The following PRSS23 variants were observed in gnomAD, a reference collection of about 807,000 sequenced individuals.
PRSS23 encodes protease, serine 23.
In PRSS23, 25 loss-of-function variants were observed where a neutral mutation model predicts 34.7. That is an observed-to-expected ratio of 0.72 (90% CI 0.53 to 1.01). The LOEUF (loss-of-function observed/expected upper bound fraction) is 1.01, where lower values mean the gene tolerates loss of function less well. PRSS23 is among the 50% of genes least tolerant of loss of function. The pLI, the probability that PRSS23 is intolerant of heterozygous loss-of-function variation, is 0.00. For synonymous variants in PRSS23, 176 were observed against 186.6 expected, an observed-to-expected ratio of 0.94 and a Z score of 0.46; for missense variants, 445 against 475.6, an observed-to-expected ratio of 0.94 and a Z score of 0.60.
rs138931126 is a variant in PRSS23 at position 86,803,556 on chromosome 11, C to G, written c.-14+2905C>G. On this transcript the variant is annotated intron_variant, in intron 1 of 1. Transcript: ENST00000280258. Reference sequence around the variant, plus strand: ...ATCCACCAACCTAATTTTAAAGCATCACAGTTTTGCATCATTTGTTGTTTT... The same window carrying G: ...ATCCACCAACCTAATTTTAAAGCATGACAGTTTTGCATCATTTGTTGTTTT... Among the ~76,000 whole-genome samples the G allele has an allele frequency of 2.4e-3, 370 of 152,270 alleles. 2 individuals are homozygous for G. The highest frequency in any genetic ancestry group is 7.9e-3 in the African/African-American group (329 of 41,556).
chr11:86,831,201 A>G (rs1461300281), intron 2 of PRSS23, among the ~76,000 whole-genome samples: 1 of 152,116 alleles, frequency 6.6e-6, no homozygotes, highest in Non-Finnish European at 1.5e-5. Flanking sequence ...ACCCTGCGAT[A>G]TTATTCATAA....
intron 2 of PRSS23, among the ~76,000 whole-genome samples, chr11:86,901,054 G>A (rs1209569690): frequency 6.6e-6 from 1 of 151,868 alleles, no homozygotes; most frequent in Non-Finnish European, 1.5e-5. Context: ...CAAAGTGCTG[G>A]GATTACAGGC....
At chr11:86,883,355 C>T (rs1028138750) in intron 2 of PRSS23, among the ~76,000 whole-genome samples, 1 of 152,212 alleles carries the variant, frequency 6.6e-6, no homozygotes, top group Non-Finnish European at 1.5e-5. Flanking sequence ...CTACAACTAT[C>T]TGATTTTTGA....
intron 2 of PRSS23, among the ~76,000 whole-genome samples, chr11:86,917,852 A>G (rs1425530201): frequency 6.6e-6 from 1 of 152,208 alleles, no homozygotes; most frequent in Non-Finnish European, 1.5e-5. Flanking sequence ...ACCAAACACC[A>G]CATGCTGGGC....
chr11:86,943,469 C>G (rs1306312191), intron 2 of PRSS23, among the ~76,000 whole-genome samples: 2 of 151,842 alleles, frequency 1.3e-5, no homozygotes, highest in Non-Finnish European at 2.9e-5. Flanking sequence ...CACAAACATA[C>G]AAAAATTAGT....
At chr11:86,929,058 G>C (rs1424348043) in intron 2 of PRSS23, among the ~76,000 whole-genome samples, 1 of 151,696 alleles carries the variant, frequency 6.6e-6, no homozygotes, top group East Asian at 1.9e-4. Context: ...GCGGTGCCTC[G>C]TGCCTGTAAT....
chr11:86,855,455 G>T (rs1027525733), intron 2 of PRSS23, among the ~76,000 whole-genome samples: 4 of 151,908 alleles, frequency 2.6e-5, no homozygotes, highest in African/African-American at 4.8e-5. Context: ...TTTCTTCCCA[G>T]CCTCTGCTAA....
intron 2 of PRSS23, among the ~76,000 whole-genome samples, chr11:86,859,157 G>A (rs779576469): frequency 6.6e-6 from 1 of 151,836 alleles, no homozygotes; most frequent in Non-Finnish European, 1.5e-5. Flanking sequence ...TATATCAGGG[G>A]AAGTGACACC....
At chr11:86,823,312 G>C in intron 1 of PRSS23, 1 of 687,912 alleles carries the variant, frequency 1.5e-6, no homozygotes, top group Non-Finnish European at 2.7e-6. Flanking sequence ...ATGTAGAATA[G>C]CTAACCTAAT....
intron 2 of PRSS23, among the ~76,000 whole-genome samples, chr11:86,930,458 A>G (rs982335765): frequency 3.9e-5 from 6 of 152,138 alleles, no homozygotes; most frequent in African/African-American, 1.2e-4. Flanking sequence ...TTAAACTGAG[A>G]CTGGAAGAAT....
intron 2 of PRSS23, among the ~76,000 whole-genome samples, chr11:86,884,129 A>G (rs1948787496): frequency 6.6e-6 from 1 of 152,014 alleles, no homozygotes; most frequent in East Asian, 1.9e-4. Flanking sequence ...CTTCCTCCCC[A>G]GTTTTTGGCA....
At chr11:86,912,627 GTTCT>G (rs1310950359) in intron 2 of PRSS23, among the ~76,000 whole-genome samples, 1 of 151,886 alleles carries the variant, frequency 6.6e-6, no homozygotes, top group Non-Finnish European at 1.5e-5. Flanking sequence ...ATTCCATTTG[GTTCT>G]TTTTTTAATT....
rs1188952555 is a variant in PRSS23, at chr11:86,809,731, T to G, written c.*936T>G. 1 of 167,008 alleles carries G rather than the reference T, an allele frequency of 6.0e-6. No homozygotes were observed. Among genetic ancestry groups the G allele is most frequent in the Admixed American group, 6.5e-5 (1 of 15,286 alleles). 10.3% of individuals were successfully genotyped at this position (167,008 alleles called of 1,614,324 possible). ...TATAGCACATCTCATGTTTTATCATTTGGATGGAGTAATTTAAAATGAATT... is the reference window on the plus strand; with the variant it reads ...TATAGCACATCTCATGTTTTATCATGTGGATGGAGTAATTTAAAATGAATT... On this transcript the variant is annotated 3_prime_UTR_variant, in exon 2 of 2. Coordinates refer to ENST00000280258, the MANE Select transcript of PRSS23 (RefSeq NM_007173.6).
At chr11:86,862,668 C>T (rs922394083) in intron 2 of PRSS23, among the ~76,000 whole-genome samples, 1 of 151,798 alleles carries the variant, frequency 6.6e-6, no homozygotes, top group Non-Finnish European at 1.5e-5. Flanking sequence ...GGGGTGTACA[C>T]CCTGTGATAT....
In PRSS23 at chr11:86,848,232, T is replaced by C. The variant is rs181771278; in HGVS notation, c.206+24639T>C. ...TCCTTTGATCTAACATGGAGAGATA[T>C]CATGTTACTTCTTGATCAGACCTTA... On this transcript the variant is annotated intron_variant, in intron 2 of 2. Coordinates refer to the PRSS23 transcript ENST00000533902. Among the ~76,000 whole-genome samples, 25 of 152,318 alleles carry C rather than the reference T, an allele frequency of 1.6e-4. No individual in the cohort carries two copies. The East Asian group carries it at 1.9e-3, about 12-fold the overall frequency.
At position 86,832,766 on chromosome 11, in the gene PRSS23, G is replaced by T. The variant is rs192056905; in HGVS notation, c.206+9173G>T. 912 of 290,084 alleles carry T rather than the reference G, an allele frequency of 3.1e-3. 2 individuals carry two copies. Among genetic ancestry groups the T allele is most frequent in the Non-Finnish European group, 3.6e-3 (531 of 148,962 alleles). 18.0% of individuals were successfully genotyped at this position (290,084 alleles called of 1,614,324 possible). ...GAAGGCTTTATACTTCCCACCTGAT[G>T]ATGAAACACTCAGCATGGAGGAAAC... On this transcript the variant is annotated intron_variant, in intron 2 of 2. Transcript: ENST00000533902.
chr11:86,855,046 T>G (rs1464097878), intron 2 of PRSS23, among the ~76,000 whole-genome samples: 1 of 152,066 alleles, frequency 6.6e-6, no homozygotes, highest in Non-Finnish European at 1.5e-5. Flanking sequence ...ATGCCTGTTA[T>G]CCCAGCTATT....
intron 2 of PRSS23, among the ~76,000 whole-genome samples, chr11:86,898,906 CAG>C (rs1243148965): frequency 6.6e-6 from 1 of 152,124 alleles, no homozygotes; most frequent in Non-Finnish European, 1.5e-5. Context: ...GTTTGTGGCA[CAG>C]AGTTACTGGA....
At chr11:86,886,119 T>C (rs1331776094) in intron 2 of PRSS23, among the ~76,000 whole-genome samples, 1 of 152,180 alleles carries the variant, frequency 6.6e-6, no homozygotes, top group African/African-American at 2.4e-5. Context: ...ATCCCAGCAC[T>C]TTGGGAAGCT....
Sources: gnomAD v4.1 joint callset for allele counts (sites outside exome capture counted in the v4.1 genomes callset) on GRCh38, gnomAD v4.1.1 for gene constraint, MANE v1.5 for transcripts, NCBI Gene and HGNC (gene_info 2026-07-23, HGNC 2026-07-21) for gene names.